CADPS2: variants seen among roughly 807,000 people sequenced by gnomAD.
CADPS2 encodes calcium dependent secretion activator 2, also known as calcium-dependent secretion activator 2.
CADPS2 carries 93 observed loss-of-function variants against 172.5 expected under a neutral mutation model. The observed-to-expected ratio is 0.54, with a 90% confidence interval of 0.46 to 0.64. The LOEUF is 0.64. Ranked by LOEUF, CADPS2 falls within the 30% of genes least tolerant of loss-of-function variation. The probability of loss-of-function intolerance (pLI) is 0.00; values close to 1 mark genes in which losing one functional copy is unlikely to be tolerated. For synonymous variants in CADPS2, 546 were observed against 555.2 expected, an observed-to-expected ratio of 0.98 and a Z score of 0.23; for missense variants, 1,420 against 1,565.9, an observed-to-expected ratio of 0.91 and a Z score of 1.57.
chr7:122,388,476 G>A, intron 23 of CADPS2, 107 bp downstream of exon 23: 1 of 1,093,346 alleles, frequency 9.1e-7, no homozygotes, highest in Non-Finnish European at 1.3e-6. Flanking sequence ...TGGAATAGTG[G>A]TGCATAATGA....
chr7:122,323,656 T>A (rs1168773670), intron 29 of CADPS2, among the ~76,000 whole-genome samples: 2 of 151,754 alleles, frequency 1.3e-5, no homozygotes, highest in African/African-American at 4.8e-5. Flanking sequence ...CATGGGCTAA[T>A]GTGGAGATTG....
At chr7:122,675,603 T>A (rs1353688780) in intron 2 of CADPS2, among the ~76,000 whole-genome samples, 1 of 152,018 alleles carries the variant, frequency 6.6e-6, no homozygotes, top group Non-Finnish European at 1.5e-5. Flanking sequence ...ATAAAGAAAA[T>A]GTGGCACATA....
At chr7:122,805,154 CATT>C (rs72001976) in intron 1 of CADPS2, among the ~76,000 whole-genome samples, 1 of 151,604 alleles carries the variant, frequency 6.6e-6, no homozygotes, top group Non-Finnish European at 1.5e-5. Context: ...CATTTTCAAT[CATT>C]ATTATTATTA....
intron 9 of CADPS2, among the ~76,000 whole-genome samples, chr7:122,507,720 G>A (rs1404365509): frequency 6.6e-6 from 1 of 152,166 alleles, no homozygotes; most frequent in African/African-American, 2.4e-5. Context: ...TTAAGAACGA[G>A]GGAAGTGGAA....
chr7:122,865,637 G>C (rs1285068607), intron 1 of CADPS2, among the ~76,000 whole-genome samples: 1 of 152,164 alleles, frequency 6.6e-6, no homozygotes, highest in Non-Finnish European at 1.5e-5. Context: ...TATTTCGCAT[G>C]GTAGAAATAA....
intron 1 of CADPS2, among the ~76,000 whole-genome samples, chr7:122,858,344 A>G (rs1050330960): frequency 6.6e-6 from 1 of 152,196 alleles, no homozygotes; most frequent in Non-Finnish European, 1.5e-5. Context: ...ATCTAACAAA[A>G]TGGTTTTAAA....
chr7:122,696,184 T>C (rs2085058276), intron 2 of CADPS2, among the ~76,000 whole-genome samples: 1 of 152,178 alleles, frequency 6.6e-6, no homozygotes, highest in Non-Finnish European at 1.5e-5. Flanking sequence ...AGCTAATTTA[T>C]CCTTTTAGGG....
At position 122,876,354 on chromosome 7, in the gene CADPS2, C is replaced by A. The variant is rs565905246; in HGVS notation, c.339+9645G>T. 8.5e-5 allele frequency among the ~76,000 whole-genome samples: 13 copies of A among 152,170 alleles called. 1 individual carries two copies. Among genetic ancestry groups the A allele is most frequent in the African/African-American group, 3.1e-4 (13 of 41,532 alleles). ...AATAAAATAAGGGAATCCAGCAAAT[C>A]TAATTTTATATTTATTTTTTCTTTT... On this transcript the variant is annotated intron_variant, in intron 1 of 29. Transcript: ENST00000449022.
rs551121404 is a variant in CADPS2, at chr7:122,820,556, GTTTTTTTTTTTT to G, written c.339+65431_339+65442del. Among the ~76,000 whole-genome samples the G allele has an allele frequency of 3.5e-5, 3 of 86,536 alleles. 1 individual carries two copies. The highest frequency in any genetic ancestry group is 1.5e-4 in the African/African-American group (3 of 19,472). The allele number at this position is 86,536 out of a possible 152,430, so 56.8% of individuals were successfully genotyped here. The stretch of plus-strand genomic sequence containing the variant: ...TTGACCTTACTGTTTTTTGTTTTTT[GTTTTTTTTTTTT>G]TTTTTTTTTGAGACGGAGTCTCGCT... On this transcript the variant is annotated intron_variant, in intron 1 of 29. Transcript: ENST00000449022.
intron 2 of CADPS2, among the ~76,000 whole-genome samples, chr7:122,711,953 GT>G (rs1355633606): frequency 6.6e-6 from 1 of 151,868 alleles, no homozygotes; most frequent in Non-Finnish European, 1.5e-5. Context: ...GTCCAGCCAT[GT>G]TTTTTATTTT....
intron 15 of CADPS2, among the ~76,000 whole-genome samples, chr7:122,443,615 T>C (rs2151975858): frequency 6.8e-6 from 1 of 147,764 alleles, no homozygotes; most frequent in South Asian, 2.2e-4. Flanking sequence ...CAAAGTGATA[T>C]ATACACATAG....
At chr7:122,387,327 C>T (rs550298942) in intron 23 of CADPS2, among the ~76,000 whole-genome samples, 154 bp from the exon 24 acceptor site, 6 of 151,916 alleles carry the variant, frequency 3.9e-5, no homozygotes, top group Non-Finnish European at 5.9e-5. Context: ...GGGTGGGATG[C>T]TTTTCTTTTC....
At chr7:122,491,443 A>G in intron 9 of CADPS2, 23 bp from the exon 10 acceptor site, 1 of 1,388,134 alleles carries the variant, frequency 7.2e-7, no homozygotes, top group Non-Finnish European at 1.0e-6. Flanking sequence ...AAAAAAGTTT[A>G]CAGATTAGTC....
At chr7:122,851,232 G>A (rs1388082872) in intron 1 of CADPS2, among the ~76,000 whole-genome samples, 1 of 152,184 alleles carries the variant, frequency 6.6e-6, no homozygotes, top group Non-Finnish European at 1.5e-5. Flanking sequence ...AGGAAAGAGG[G>A]AAGATATGAG....
At chr7:122,824,369 T>A (rs1313160005) in intron 1 of CADPS2, among the ~76,000 whole-genome samples, 1 of 152,198 alleles carries the variant, frequency 6.6e-6, no homozygotes, top group Non-Finnish European at 1.5e-5. Context: ...ATATAGGCAC[T>A]GGTGAATTTG....
chr7:122,527,534 G>A (rs2061338218), intron 8 of CADPS2, among the ~76,000 whole-genome samples: 1 of 149,498 alleles, frequency 6.7e-6, no homozygotes, highest in African/African-American at 2.5e-5. Context: ...TAAAAGAGTA[G>A]ACAGAGTACA....
chr7:122,558,459 T>C (rs2065306700), intron 7 of CADPS2, among the ~76,000 whole-genome samples: 2 of 151,822 alleles, frequency 1.3e-5, no homozygotes. Flanking sequence ...TTCTTCTCAT[T>C]TATTTTTGTC....
chr7:122,451,958 G>C, intron 14 of CADPS2, among the ~76,000 whole-genome samples: 1 of 152,074 alleles, frequency 6.6e-6, no homozygotes, highest in East Asian at 1.9e-4. Flanking sequence ...GAAGTTCACT[G>C]ACCTCTTTTT....
chr7:122,476,974 G>A (rs1231892163), intron 12 of CADPS2, among the ~76,000 whole-genome samples: 1 of 139,080 alleles, frequency 7.2e-6, no homozygotes, highest in Non-Finnish European at 1.5e-5. Flanking sequence ...ATGGGGTGGC[G>A]GGAAGGGGGG....
Sources: allele counts gnomAD v4.1 joint callset (sites outside exome capture counted in the v4.1 genomes callset), GRCh38; gene constraint gnomAD v4.1.1; transcripts MANE v1.5; gene names NCBI Gene and HGNC (gene_info 2026-07-23, HGNC 2026-07-21).